The following CHODL variants were observed in gnomAD, a reference collection of about 807,000 sequenced individuals.
The protein encoded by CHODL is chondrolectin.
CHODL carries 29 observed loss-of-function variants against 34.5 expected under a neutral mutation model. The observed-to-expected ratio is 0.84, with a 90% CI of 0.63 to 1.15. CHODL has a LOEUF of 1.15. Among genes scored for constraint, CHODL ranks in the 50% most tolerant of loss-of-function variants. The pLI, the probability that CHODL is intolerant of heterozygous loss-of-function variation, is 0.00. For missense variants in CHODL, 332 were observed against 332.5 expected (o/e 1.00, Z 0.01); for synonymous variants, 125 against 116.1 (o/e 1.08, Z -0.49).
chr21:18,205,874 T>A (rs769645383), intron 2 of CHODL, among the ~76,000 whole-genome samples: 1 of 152,068 alleles, frequency 6.6e-6, no homozygotes, highest in Non-Finnish European at 1.5e-5. Flanking sequence ...GTAGCTTGGA[T>A]TACAGGAATG....
At chr21:18,236,860 C>G (rs555213859) in intron 2 of CHODL, among the ~76,000 whole-genome samples, 1 of 151,926 alleles carries the variant, frequency 6.6e-6, no homozygotes, top group African/African-American at 2.4e-5. Context: ...AATTTGTAGT[C>G]TTTTTAAAAA....
rs1197895662 is a variant in CHODL, at chr21:18,040,734, A to AT, written c.-45+12767dup. 1.1e-4 allele frequency among the ~76,000 whole-genome samples: 16 copies of AT among 151,946 alleles called. No individual in the cohort carries two copies. The East Asian group carries it at 3.1e-3, about 30-fold the overall frequency. On this transcript the variant is annotated intron_variant, in intron 2 of 6. Coordinates refer to the CHODL transcript ENST00000400127. ...CCATTTTATTAATTGGGACCATTTT[A>AT]TTTTAGTGTATCTTGAGTGTTATCC...
chr21:17,958,901 T>C (rs1296940683), intron 1 of CHODL, among the ~76,000 whole-genome samples: 3 of 152,058 alleles, frequency 2.0e-5, no homozygotes, highest in Non-Finnish European at 4.4e-5. Context: ...GTTGCAAGAT[T>C]GGGGGACTCA....
At chr21:18,144,334 T>C (rs1177157162) in intron 2 of CHODL, among the ~76,000 whole-genome samples, 1 of 152,158 alleles carries the variant, frequency 6.6e-6, no homozygotes, top group East Asian at 1.9e-4. Context: ...ATGTAGAATA[T>C]TGTGTTAGGG....
chr21:18,248,640 A>ATG, intron 1 of CHODL, among the ~76,000 whole-genome samples: 1 of 129,920 alleles, frequency 7.7e-6, no homozygotes, highest in East Asian at 2.1e-4. Flanking sequence ...TAATACATAT[A>ATG]TGTATATATT....
chr21:18,055,795 AG>A (rs1382903186), intron 2 of CHODL, among the ~76,000 whole-genome samples: 1 of 152,078 alleles, frequency 6.6e-6, no homozygotes. Flanking sequence ...GACAGAACAT[AG>A]GGGGAGAGTA....
chr21:17,993,148 A>G (rs545547820), intron 1 of CHODL, among the ~76,000 whole-genome samples: 1 of 151,846 alleles, frequency 6.6e-6, no homozygotes, highest in Admixed American at 6.6e-5. Context: ...TTTTTTTCCC[A>G]TTCAGTATGA....
chr21:17,929,398 T>C (rs937828896), intron 1 of CHODL, among the ~76,000 whole-genome samples: 1 of 152,250 alleles, frequency 6.6e-6, no homozygotes, highest in Admixed American at 6.5e-5. Flanking sequence ...GATGGCTGAC[T>C]AGAAGCAGCT....
At chr21:18,210,337 T>G (rs1407469081) in intron 2 of CHODL, among the ~76,000 whole-genome samples, 3 of 152,166 alleles carry the variant, frequency 2.0e-5, no homozygotes, top group African/African-American at 4.8e-5. Flanking sequence ...AGATTCTCTC[T>G]CTGTGCGACA....
intron 2 of CHODL, among the ~76,000 whole-genome samples, chr21:18,054,772 T>C (rs768655273): frequency 1.4e-4 from 22 of 152,024 alleles, no homozygotes; most frequent in Non-Finnish European, 2.6e-4. Flanking sequence ...TTCCACTATG[T>C]ATATCAAGAC....
intron 2 of CHODL, among the ~76,000 whole-genome samples, chr21:18,054,513 A>G (rs2064555184): frequency 6.6e-6 from 1 of 152,014 alleles, no homozygotes; most frequent in Non-Finnish European, 1.5e-5. Context: ...GCACAGAAGG[A>G]TAAATACTGT....
intron 1 of CHODL, among the ~76,000 whole-genome samples, chr21:17,997,127 T>C (rs962474270): frequency 6.6e-6 from 1 of 152,248 alleles, no homozygotes; most frequent in Non-Finnish European, 1.5e-5. Flanking sequence ...AAGTTCATAA[T>C]ATGCGATTAG....
chr21:18,234,873 G>A (rs1306302672), intron 2 of CHODL, among the ~76,000 whole-genome samples: 3 of 152,118 alleles, frequency 2.0e-5, no homozygotes, highest in African/African-American at 7.2e-5. Flanking sequence ...AAGCAGCTAA[G>A]TAATTTGAAA....
chr21:18,080,415 T>C (rs2064928288), intron 2 of CHODL, among the ~76,000 whole-genome samples: 1 of 152,184 alleles, frequency 6.6e-6, no homozygotes, highest in Non-Finnish European at 1.5e-5. Context: ...AAGGCCAATG[T>C]CCAGAAGAGT....
At chr21:18,201,439 T>G (rs995988462) in intron 2 of CHODL, among the ~76,000 whole-genome samples, 2 of 151,452 alleles carry the variant, frequency 1.3e-5, no homozygotes, top group African/African-American at 4.9e-5. Flanking sequence ...GTACTTTGCT[T>G]ATTAATTTGG....
chr21:17,992,718 G>GTTT (rs869044440), intron 1 of CHODL, among the ~76,000 whole-genome samples: 1,898 of 56,372 alleles, frequency 0.034, 120 homozygotes, highest in East Asian at 0.091. Context: ...TGGTGGAGTT[G>GTTT]TTTTTTTTTT....
intron 2 of CHODL, among the ~76,000 whole-genome samples, chr21:18,062,205 G>T (rs2064675730): frequency 2.6e-5 from 4 of 152,046 alleles, no homozygotes; most frequent in African/African-American, 9.7e-5. Flanking sequence ...ACAGGCAACA[G>T]CCCAGACCTT....
chr21:18,031,998 T>C (rs1205060893), intron 2 of CHODL, among the ~76,000 whole-genome samples: 5 of 152,108 alleles, frequency 3.3e-5, no homozygotes, highest in Non-Finnish European at 7.4e-5. Context: ...TAATTTACAA[T>C]GCTACTGCAG....
chr21:18,046,055 A>G (rs2146460863), intron 2 of CHODL, among the ~76,000 whole-genome samples: 1 of 152,106 alleles, frequency 6.6e-6, no homozygotes, highest in East Asian at 1.9e-4. Flanking sequence ...AACTGGTGGT[A>G]ATTTGTTGTG....
Sources: gnomAD v4.1 joint callset for allele counts (sites outside exome capture counted in the v4.1 genomes callset) on GRCh38, gnomAD v4.1.1 for gene constraint, MANE v1.5 for transcripts, NCBI Gene and HGNC (gene_info 2026-07-23, HGNC 2026-07-21) for gene names.